PKHD1L1: variants seen among roughly 807,000 people sequenced by gnomAD.
The protein encoded by PKHD1L1 is PKHD1 like 1.
Under a neutral mutation model 462.9 loss-of-function variants are expected in PKHD1L1, and 434 were observed. That is an observed-to-expected ratio of 0.94 (90% confidence interval 0.87 to 1.02). The LOEUF is 1.02. Among genes scored for constraint, PKHD1L1 ranks in the 50% least tolerant of loss-of-function variants. The probability of loss-of-function intolerance (pLI) is 0.00; values close to 1 mark genes in which losing one functional copy is unlikely to be tolerated. For synonymous variants in PKHD1L1, 1,781 were observed against 1,750.0 expected, an observed-to-expected ratio of 1.02 and a Z score of -0.44; for missense variants, 5,202 against 5,096.1, an observed-to-expected ratio of 1.02 and a Z score of -0.63.
At chr8:109,378,434 A>G (rs1043939268) in intron 2 of PKHD1L1, among the ~76,000 whole-genome samples, 1 of 152,060 alleles carries the variant, frequency 6.6e-6, no homozygotes, top group African/African-American at 2.4e-5. Context: ...CTTCAACCAC[A>G]CTTGCTATTA....
chr8:109,513,655 A>G (rs1783166), intron 71 of PKHD1L1, among the ~76,000 whole-genome samples: 65,520 of 151,810 alleles, frequency 0.43, 14,564 homozygotes, highest in South Asian at 0.57. Flanking sequence ...AAAGGAGTAA[A>G]GAAAGGAGGC....
At chr8:109,418,992 TG>T in intron 21 of PKHD1L1, 104 bp from the exon 22 acceptor site, 1 of 1,033,548 alleles carries the variant, frequency 9.7e-7, no homozygotes, top group Non-Finnish European at 1.4e-6. Context: ...ATGGTCGTCT[TG>T]TGGGAAAAAA....
intron 50 of PKHD1L1, among the ~76,000 whole-genome samples, chr8:109,471,902 G>A (rs1314141305): frequency 6.6e-6 from 1 of 152,010 alleles, no homozygotes; most frequent in East Asian, 1.9e-4. Flanking sequence ...TGCCTACCTA[G>A]CTGAATCTAT....
chr8:109,414,626 A>G (rs1337949230), intron 21 of PKHD1L1, among the ~76,000 whole-genome samples: 1 of 152,096 alleles, frequency 6.6e-6, no homozygotes, highest in Non-Finnish European at 1.5e-5. Flanking sequence ...TTATTCTATT[A>G]TAATAAGACA....
intron 50 of PKHD1L1, chr8:109,470,243 A>G: frequency 2.2e-6 from 3 of 1,345,684 alleles, no homozygotes; most frequent in Non-Finnish European, 3.2e-6. Context: ...AAATACTCAG[A>G]TCATCATGAA....
At position 109,486,698 on chromosome 8, in the gene PKHD1L1, G is replaced by A; in HGVS notation, c.9757G>A (p.Asp3253Asn). ...GTGESYTLAA[D>N]VGILSRNIKI... ...TGGTGAGAGCTACACGTTAGCAGCT[G>A]ATGTTGGGATACTGAGTAGGAACAT... The change falls in exon 59 of 78, where the codon GAT becomes AAT. Residue 3253 changes from aspartate (D) to asparagine (N), a missense_variant. Asp to Asn is a conservative substitution (Grantham distance 23). Around this residue, in one of 3 missense-constraint regions of PKHD1L1, gnomAD observed 4,497 missense variants for 4,336.8 expected, o/e 1.04. Transcript: ENST00000378402. 6.2e-7 allele frequency: 1 copy of A among 1,612,442 alleles called. No individual in the cohort carries two copies. The highest frequency in any genetic ancestry group is 1.3e-5 in the African/African-American group (1 of 74,892).
chr8:109,448,249 T>C lies in PKHD1L1; in HGVS notation c.5883T>C (p.Asn1961=), dbSNP rs1816271817. 1.9e-6 allele frequency: 3 copies of C among 1,613,470 alleles called. No individual in the cohort carries two copies. Among genetic ancestry groups the C allele is most frequent in the Admixed American group, 1.7e-5 (1 of 59,946 alleles). ...NNIQCNVTMA[N]DSVVQCIVGD... is the part of the protein sequence containing the mutation. ...TTCAGTGTAATGTAACCATGGCCAA[T>C]GATAGTGTGGTGCAGTGCATCGTGG... is the stretch of plus-strand genomic sequence containing the variant. The change falls in exon 39 of 78, where the codon AAT becomes AAC. Residue 1961 remains asparagine, a synonymous_variant. Coordinates refer to ENST00000378402, the MANE Select transcript of PKHD1L1 (RefSeq NM_177531.6).
rs748676121 is a variant in PKHD1L1, at chr8:109,443,050, C to A, written c.4498C>A (p.Pro1500Thr). ...IFLQGVINVL[P>T]AETRHIPLHL... Reference sequence around the variant, plus strand: ...TCTCCAAGGAGTCATTAATGTTTTACCAGCTGAAACCAGACACATTCCCTT... The same window carrying A: ...TCTCCAAGGAGTCATTAATGTTTTAACAGCTGAAACCAGACACATTCCCTT... Residue 1500 changes from proline (P) to threonine (T), a missense_variant, in exon 36 of 78, where the codon CCA (proline) becomes ACA (threonine). Coordinates refer to ENST00000378402, the MANE Select transcript of PKHD1L1 (RefSeq NM_177531.6). 8.7e-6 allele frequency: 14 copies of A among 1,613,658 alleles called. No individual in the cohort carries two copies. Among genetic ancestry groups the A allele is most frequent in the Non-Finnish European group, 1.1e-5 (13 of 1,179,678 alleles).
In PKHD1L1 at chr8:109,465,074, C is replaced by T. The variant is rs186076755; in HGVS notation, c.8242C>T (p.Arg2748Cys). ...VSSVHFMNFD[R>C]PNCVALGVTS... is the part of the protein sequence containing the mutation. ...TTCTGTGCACTTTATGAACTTTGAC[C>T]GTCCCAACTGTGTAGCTTTGGGAGT... The change falls in exon 49 of 78, where the codon CGT becomes TGT. Residue 2748 changes from arginine (R) to cysteine (C), a missense_variant. Physicochemically the swap from Arg to Cys is radical, Grantham distance 180. Coordinates refer to ENST00000378402, the MANE Select transcript of PKHD1L1 (RefSeq NM_177531.6). 32 of 1,613,754 alleles carry T rather than the reference C, an allele frequency of 2.0e-5. No individual in the cohort carries two copies. In the African/African-American group the frequency reaches 2.3e-4, roughly 11 times the overall value.
chr8:109,414,065 C>T lies in PKHD1L1; in HGVS notation c.2360+520C>T, dbSNP rs193077951. ...TATTTAATGACTACAGCTGTCATGC[C>T]TTTAAACACAATTTAGTTCTATATA... On this transcript the variant is annotated intron_variant, in intron 21 of 77. Coordinates refer to ENST00000378402, the MANE Select transcript of PKHD1L1 (RefSeq NM_177531.6). Among the ~76,000 whole-genome samples, 3 of 152,198 alleles carry T rather than the reference C, an allele frequency of 2.0e-5. No individual in the cohort carries two copies. The East Asian group carries it at 5.8e-4, about 29-fold the overall frequency.
intron 14 of PKHD1L1, 26 bp downstream of exon 14, chr8:109,401,614 T>C (rs1813280144): frequency 1.7e-6 from 2 of 1,205,396 alleles, no homozygotes; most frequent in Admixed American, 3.7e-5. Flanking sequence ...GTCATTAAAT[T>C]ACTGTGTGGT....
chr8:109,419,440 CA>C (rs1324988342), intron 22 of PKHD1L1, among the ~76,000 whole-genome samples, 180 bp downstream of exon 22: 1 of 151,956 alleles, frequency 6.6e-6, no homozygotes, highest in Non-Finnish European at 1.5e-5. Flanking sequence ...GTGATTATTC[CA>C]AGGATAAATG....
At chr8:109,480,703 CA>C (rs1249632737) in intron 55 of PKHD1L1, 2 of 428,562 alleles carry the variant, frequency 4.7e-6, no homozygotes, top group East Asian at 7.1e-5. Context: ...ATTGCTTAGC[CA>C]AAAAGCTATT....
intron 47 of PKHD1L1, 37 bp from the exon 48 acceptor site, chr8:109,461,735 C>A (rs1563570784): frequency 6.5e-7 from 1 of 1,531,056 alleles, no homozygotes; most frequent in South Asian, 1.2e-5. Flanking sequence ...AGGATTCCGA[C>A]AATTTTTTTA....
In PKHD1L1 at chr8:109,475,177, C is replaced by G. The variant is rs764300615; in HGVS notation, c.8665C>G (p.Leu2889Val). The change falls in exon 51 of 78, where the codon CTG (leucine) becomes GTG (valine). Residue 2889 changes from leucine to valine, a missense_variant. Transcript: ENST00000378402. ...GACTCATATGTCTGGATGGATGGCT[C>G]TGATTCCAAATGCAAATCACATTAA... ...RLTHMSGWMA[L>V]IPNANHINWY... 1.2e-6 allele frequency: 2 copies of G among 1,612,766 alleles called. No individual in the cohort carries two copies. Among genetic ancestry groups the G allele is most frequent in the South Asian group, 2.2e-5 (2 of 91,000 alleles).
At chr8:109,452,697 G>T in intron 42 of PKHD1L1, 21 bp from the exon 43 acceptor site, 1 of 1,381,924 alleles carries the variant, frequency 7.2e-7, no homozygotes, top group Non-Finnish European at 9.4e-7. Flanking sequence ...AAATTTTAAG[G>T]TCTCTTATGT....
chr8:109,403,533 G>GT lies in PKHD1L1; in HGVS notation c.1374-1017dup. Among the ~76,000 whole-genome samples, 2 of 152,122 alleles carry GT rather than the reference G, an allele frequency of 1.3e-5. 1 individual carries two copies. Among genetic ancestry groups the GT allele is most frequent in the Non-Finnish European group, 2.9e-5 (2 of 68,004 alleles). On this transcript the variant is annotated intron_variant, in intron 14 of 77. Coordinates refer to ENST00000378402, the MANE Select transcript of PKHD1L1 (RefSeq NM_177531.6). ...GCACAAAGAAAGTGCCCAATTAATA[G>GT]TTTTAAGCCACAAGTAAGGATGCAA...
Position 109,532,870 on chromosome 8 carries a change from TAATCAATAATAAAGTA to T in PKHD1L1, c.*2783_*2798del. ...ATATCCCTAGCACTAATAATAACAA[TAATCAATAATAAAGTA>T]AAGGTTTATCACATGTTCACTACAT... On this transcript the variant is annotated 3_prime_UTR_variant, in exon 78 of 78. Transcript: ENST00000378402. Among the ~76,000 whole-genome samples, 1 of 152,330 alleles carries T rather than the reference TAATCAATAATAAAGTA, an allele frequency of 6.6e-6. No homozygotes were observed. The highest frequency in any genetic ancestry group is 1.5e-5 in the Non-Finnish European group (1 of 68,026).
chr8:109,478,986 A>G (rs1818136058), intron 53 of PKHD1L1, among the ~76,000 whole-genome samples: 2 of 152,152 alleles, frequency 1.3e-5, no homozygotes, highest in Admixed American at 1.3e-4. Context: ...GCCTAGTTTT[A>G]GAGGGCTTTG....
Sources: gnomAD v4.1 joint callset for allele counts (sites outside exome capture counted in the v4.1 genomes callset) on GRCh38, gnomAD v4.1.1 for gene constraint, gnomAD v4.1.1 regional missense constraint, MANE v1.5 for transcripts, NCBI Gene and HGNC (gene_info 2026-07-23, HGNC 2026-07-21) for gene names.